Variants in PPHLN1 observed in about 807,000 individuals in gnomAD.
The protein encoded by PPHLN1 is periphilin-1.
A neutral mutation model predicts 51.3 loss-of-function variants in PPHLN1; 29 were observed. The observed-to-expected ratio is 0.57, with a 90% CI of 0.42 to 0.77. PPHLN1 has a LOEUF of 0.77. PPHLN1 is among the 30% of genes least tolerant of loss of function. The pLI is 0.00. For missense variants in PPHLN1, 436 were observed against 438.4 expected (o/e 0.99, Z 0.05); for synonymous variants, 147 against 147.8 (o/e 0.99, Z 0.04).
chr12:42,359,343 C>A (rs1019778390), intron 4 of PPHLN1: 2 of 152,150 alleles, frequency 1.3e-5, no homozygotes, highest in African/African-American at 4.8e-5. Context: ...CTTCTAGTCT[C>A]TGGGAATATA....
At chr12:42,431,007 G>A (rs1363887911) in intron 9 of PPHLN1, among the ~76,000 whole-genome samples, 8 of 152,150 alleles carry the variant, frequency 5.3e-5, no homozygotes, top group African/African-American at 1.9e-4. Context: ...GACTAATTCA[G>A]CTTAGTGTTT....
intron 9 of PPHLN1, among the ~76,000 whole-genome samples, chr12:42,424,660 C>G (rs2081272237): frequency 6.6e-6 from 1 of 152,102 alleles, no homozygotes; most frequent in Admixed American, 6.6e-5. Context: ...GTAATCCTGA[C>G]CACCCTGCAC....
At chr12:42,437,290 C>T (rs1219329630) in intron 9 of PPHLN1, among the ~76,000 whole-genome samples, 3 of 152,144 alleles carry the variant, frequency 2.0e-5, no homozygotes, top group Non-Finnish European at 2.9e-5. Flanking sequence ...TTCTACTACT[C>T]CCTTCTATAG....
chr12:42,371,555 T>G (rs2075807568), intron 4 of PPHLN1, among the ~76,000 whole-genome samples: 1 of 152,240 alleles, frequency 6.6e-6, no homozygotes, highest in Non-Finnish European at 1.5e-5. Context: ...ACTTCAGTTC[T>G]TGTTCACATA....
At chr12:42,400,838 A>G (rs2078780049) in intron 9 of PPHLN1, among the ~76,000 whole-genome samples, 1 of 150,350 alleles carries the variant, frequency 6.7e-6, no homozygotes, top group South Asian at 2.1e-4. Context: ...ACACACGTGC[A>G]CGCAAGTGGC....
chr12:42,417,509 A>C (rs1201527135), intron 9 of PPHLN1, among the ~76,000 whole-genome samples: 1 of 151,340 alleles, frequency 6.6e-6, no homozygotes, highest in Admixed American at 6.6e-5. Flanking sequence ...GTTGGTATGG[A>C]AGTCAACAAG....
chr12:42,354,356 C>T (rs1032497042), intron 3 of PPHLN1, among the ~76,000 whole-genome samples: 1 of 152,054 alleles, frequency 6.6e-6, no homozygotes, highest in Non-Finnish European at 1.5e-5. Context: ...GTAACTGGGA[C>T]TATAGGTGCA....
At chr12:42,386,584 A>G (rs1468573670) in intron 6 of PPHLN1, among the ~76,000 whole-genome samples, 2 of 151,764 alleles carry the variant, frequency 1.3e-5, no homozygotes, top group Non-Finnish European at 2.9e-5. Flanking sequence ...CTTCTGTGTG[A>G]CTCCAAATTT....
intron 9 of PPHLN1, among the ~76,000 whole-genome samples, chr12:42,424,627 C>T (rs2081269315): frequency 6.6e-6 from 1 of 152,116 alleles, no homozygotes; most frequent in Admixed American, 6.5e-5. Flanking sequence ...TAAACAGAAA[C>T]TGCCTATTTA....
intron 9 of PPHLN1, among the ~76,000 whole-genome samples, chr12:42,431,504 A>C (rs769186011): frequency 2.0e-5 from 3 of 152,208 alleles, no homozygotes; most frequent in Admixed American, 6.5e-5. Flanking sequence ...AAGTATGTTT[A>C]ACATATGATT....
At chr12:42,339,974 A>C (rs992766650) in intron 2 of PPHLN1, among the ~76,000 whole-genome samples, 10 of 152,206 alleles carry the variant, frequency 6.6e-5, no homozygotes, top group Admixed American at 5.2e-4. Context: ...TAGAAATGTA[A>C]ATAGTTATAC....
chr12:42,379,818 G>A (rs922602383), intron 5 of PPHLN1, among the ~76,000 whole-genome samples: 1 of 151,984 alleles, frequency 6.6e-6, no homozygotes, highest in Non-Finnish European at 1.5e-5. Context: ...ATTAGCACCT[G>A]ATAAGAACAG....
chr12:42,390,705 A>T (rs2077612934), intron 7 of PPHLN1, among the ~76,000 whole-genome samples: 1 of 145,956 alleles, frequency 6.9e-6, no homozygotes. Flanking sequence ...AGCTATTCTT[A>T]GTGTTAGTGT....
At chr12:42,351,367 T>G (rs908204077) in intron 2 of PPHLN1, 3 of 152,228 alleles carry the variant, frequency 2.0e-5, no homozygotes, top group African/African-American at 7.2e-5. Context: ...ATTTTGCTTC[T>G]AGACCTGTAA....
At chr12:42,446,613 C>T, downstream of PPHLN1, 1 of 1,613,256 alleles carries the variant, frequency 6.2e-7, no homozygotes, top group Non-Finnish European at 8.5e-7. Context: ...AGAAAACAAG[C>T]AGTAACTGCT....
intron 9 of PPHLN1, among the ~76,000 whole-genome samples, chr12:42,408,063 A>G (rs1355809945): frequency 6.6e-6 from 1 of 152,144 alleles, no homozygotes; most frequent in Non-Finnish European, 1.5e-5. Flanking sequence ...ATTCTTTTCA[A>G]ATAACTAACT....
chr12:42,408,760 C>T (rs1182221341), intron 9 of PPHLN1, among the ~76,000 whole-genome samples: 1 of 152,100 alleles, frequency 6.6e-6, no homozygotes, highest in Non-Finnish European at 1.5e-5. Context: ...ATCAAAATAT[C>T]TGCTATTATT....
chr12:42,385,493 G>T (rs111608919), intron 6 of PPHLN1, among the ~76,000 whole-genome samples: 4 of 152,294 alleles, frequency 2.6e-5, no homozygotes, highest in Non-Finnish European at 4.4e-5. Flanking sequence ...CTAAAATCAG[G>T]AAAGGTCCAA....
chr12:42,399,181 A>G (rs1408837456), intron 9 of PPHLN1, 187 bp downstream of exon 9: 1 of 1,268,146 alleles, frequency 7.9e-7, no homozygotes, highest in African/African-American at 1.5e-5. Flanking sequence ...CCCCACCTGG[A>G]TTGTTTATTT....
Sources: allele counts gnomAD v4.1 joint callset (sites outside exome capture counted in the v4.1 genomes callset), GRCh38; gene constraint gnomAD v4.1.1; transcripts MANE v1.5; gene names NCBI Gene and HGNC (gene_info 2026-07-23, HGNC 2026-07-21).